GREM2: variants seen among roughly 807,000 people sequenced by gnomAD.
GREM2 encodes the protein gremlin-2.
Under a neutral mutation model 14.2 loss-of-function variants are expected in GREM2, and 11 were observed. That is an observed-to-expected ratio of 0.78 (90% CI 0.49 to 1.28). The LOEUF (loss-of-function observed/expected upper bound fraction) is 1.28. GREM2 is among the 50% of genes most tolerant of loss of function. The pLI is 0.00. For missense variants in GREM2, 210 were observed against 218.5 expected (o/e 0.96, Z 0.24); for synonymous variants, 98 against 97.6 (o/e 1.00, Z -0.02).
At chr1:240,493,597 G>T in intron 1 of GREM2, 121 bp from the exon 2 acceptor site, 1 of 1,194,594 alleles carries the variant, frequency 8.4e-7, no homozygotes, top group Non-Finnish European at 1.1e-6. Context: ...GGAGTGCAGG[G>T]GCACGTAGCT....
intron 1 of GREM2, among the ~76,000 whole-genome samples, chr1:240,514,270 G>T (rs901882402): frequency 3.5e-4 from 45 of 128,230 alleles, no homozygotes; most frequent in African/African-American, 1.2e-3. Flanking sequence ...AAAAAAAAAA[G>T]CGTTTCAGAA....
chr1:240,516,631 T>C (rs867967949), intron 1 of GREM2, among the ~76,000 whole-genome samples: 1 of 152,176 alleles, frequency 6.6e-6, no homozygotes. Context: ...AAGAATGTTA[T>C]TTGATTTGCT....
chr1:240,522,505 TA>T (rs1006905886), intron 1 of GREM2, among the ~76,000 whole-genome samples: 1 of 152,184 alleles, frequency 6.6e-6, no homozygotes, highest in Non-Finnish European at 1.5e-5. Context: ...AGTAGATTTA[TA>T]AAATGATTCC....
chr1:240,570,869 T>G (rs892723262), intron 1 of GREM2, among the ~76,000 whole-genome samples: 28 of 152,364 alleles, frequency 1.8e-4, no homozygotes, highest in Non-Finnish European at 3.8e-4. Flanking sequence ...TAATGATCAC[T>G]GTACTGAGCT....
chr1:240,527,071 A>G lies in GREM2; in HGVS notation c.-1-33595T>C, dbSNP rs192818671. Among the ~76,000 whole-genome samples, 26 of 152,336 alleles carry G rather than the reference A, an allele frequency of 1.7e-4. No individual in the cohort carries two copies. The East Asian group carries it at 4.8e-3, about 28-fold the overall frequency. ...AAACAGAAAGAGCTCATGAGCAGGA[A>G]AAAAGAATTAAGTCCATTTCCAGCA... On this transcript the variant is annotated intron_variant, in intron 1 of 1. Transcript: ENST00000318160.
chr1:240,535,452 T>A (rs1358972332), intron 1 of GREM2, among the ~76,000 whole-genome samples: 1 of 152,108 alleles, frequency 6.6e-6, no homozygotes, highest in Non-Finnish European at 1.5e-5. Context: ...AAAAAAATTT[T>A]AAAAAGCCAA....
chr1:240,547,700 A>C (rs1336682927), intron 1 of GREM2, among the ~76,000 whole-genome samples: 1 of 151,964 alleles, frequency 6.6e-6, no homozygotes, highest in African/African-American at 2.4e-5. Context: ...TTCTTAGCAC[A>C]GCACTGATGT....
chr1:240,562,923 T>A (rs549049019), intron 1 of GREM2, among the ~76,000 whole-genome samples: 4 of 149,532 alleles, frequency 2.7e-5, no homozygotes, highest in African/African-American at 1.0e-4. Context: ...TGTGAGTGTA[T>A]GTGTATGTGT....
chr1:240,562,505 G>T (rs1055775593), intron 1 of GREM2, among the ~76,000 whole-genome samples: 4 of 152,252 alleles, frequency 2.6e-5, no homozygotes, highest in South Asian at 2.1e-4. Flanking sequence ...ATCCTCCAGG[G>T]GCTGCCTTGG....
chr1:240,550,025 ATTTT>A (rs1678813895), intron 1 of GREM2: 2 of 152,140 alleles, frequency 1.3e-5, no homozygotes, highest in African/African-American at 4.8e-5. Flanking sequence ...GTTTTTATTT[ATTTT>A]ATTTTTTTTA....
At chr1:240,601,491 C>T (rs1571952815) in intron 1 of GREM2, among the ~76,000 whole-genome samples, 1 of 152,186 alleles carries the variant, frequency 6.6e-6, no homozygotes, top group African/African-American at 2.4e-5. Flanking sequence ...CTTATTTAGC[C>T]TCTGTGAAGA....
intron 1 of GREM2, among the ~76,000 whole-genome samples, chr1:240,604,310 T>A (rs891899159): frequency 1.2e-3 from 20 of 16,424 alleles, no homozygotes; most frequent in Non-Finnish European, 2.0e-3. Flanking sequence ...ACTATACGTA[T>A]GTGTGTGTGT....
chr1:240,541,437 AC>A (rs1419621315), intron 1 of GREM2, among the ~76,000 whole-genome samples: 1 of 152,218 alleles, frequency 6.6e-6, no homozygotes, highest in Non-Finnish European at 1.5e-5. Flanking sequence ...GTGCCTGCTG[AC>A]TAACTCACTT....
At chr1:240,544,171 A>T (rs1678661889) in intron 1 of GREM2, among the ~76,000 whole-genome samples, 1 of 140,598 alleles carries the variant, frequency 7.1e-6, no homozygotes, top group Non-Finnish European at 1.5e-5. Context: ...TTTTTTTGAG[A>T]CAGTCTCGCT....
At chr1:240,569,011 T>C (rs1052178065) in intron 1 of GREM2, among the ~76,000 whole-genome samples, 2 of 151,946 alleles carry the variant, frequency 1.3e-5, no homozygotes, top group African/African-American at 4.8e-5. Flanking sequence ...GGATTGTGCC[T>C]CTTCTGCACT....
rs187170348 is a variant in GREM2 at position 240,532,034 on chromosome 1, A to T, written c.-1-38558T>A. ...TAGAACTTAATCTTTTAAGACCATG[A>T]TTTCCCTATATAAAAAGTGAGGATT... is the stretch of plus-strand genomic sequence containing the variant. On this transcript the variant is annotated intron_variant, in intron 1 of 1. Coordinates refer to ENST00000318160, the MANE Select transcript of GREM2 (RefSeq NM_022469.4). Among the ~76,000 whole-genome samples, 500 of 152,040 alleles carry T rather than the reference A, an allele frequency of 3.3e-3. 11 individuals carry two copies. The highest frequency in any genetic ancestry group is 0.031 in the Admixed American group (470 of 15,264).
intron 1 of GREM2, among the ~76,000 whole-genome samples, chr1:240,575,901 GAAA>G (rs200904291): frequency 3.1e-5 from 4 of 130,490 alleles, no homozygotes; most frequent in Admixed American, 8.0e-5. Context: ...TGCTCTGCTG[GAAA>G]AAAAAAAAAA....
At chr1:240,572,410 T>C (rs1176100204) in intron 1 of GREM2, among the ~76,000 whole-genome samples, 1 of 152,198 alleles carries the variant, frequency 6.6e-6, no homozygotes, top group Non-Finnish European at 1.5e-5. Context: ...AAACATAGAA[T>C]GACTTTTCTA....
At chr1:240,589,550 T>A (rs1378357762) in intron 1 of GREM2, among the ~76,000 whole-genome samples, 1 of 152,240 alleles carries the variant, frequency 6.6e-6, no homozygotes, top group East Asian at 1.9e-4. Context: ...TTATGTTCCT[T>A]TCCCAGTATC....
Sources: allele counts gnomAD v4.1 joint callset (sites outside exome capture counted in the v4.1 genomes callset), GRCh38; gene constraint gnomAD v4.1.1; transcripts MANE v1.5; gene names NCBI Gene and HGNC (gene_info 2026-07-23, HGNC 2026-07-21).